The following BICD1 variants were observed in gnomAD, a reference collection of about 807,000 sequenced individuals.
BICD1 encodes the protein protein bicaudal D homolog 1.
In BICD1, 35 loss-of-function variants were observed where a neutral mutation model predicts 92.5. That is an observed-to-expected ratio of 0.38 (90% CI 0.29 to 0.50). The LOEUF is 0.50. Ranked by LOEUF, BICD1 falls within the 20% of genes least tolerant of loss-of-function variation. The pLI, the probability that BICD1 is intolerant of heterozygous loss-of-function variation, is 0.93. For missense variants in BICD1, 950 were observed against 1,189.8 expected, an observed-to-expected ratio of 0.80 and a Z score of 2.97; for synonymous variants, 429 against 465.1, an observed-to-expected ratio of 0.92 and a Z score of 1.00.
At chr12:32,167,064 G>C (rs774036023) in intron 1 of BICD1, among the ~76,000 whole-genome samples, 1 of 152,144 alleles carries the variant, frequency 6.6e-6, no homozygotes, top group Non-Finnish European at 1.5e-5. Context: ...ACCATAACAC[G>C]TATTGCCTTT....
intron 1 of BICD1, among the ~76,000 whole-genome samples, chr12:32,122,500 A>C (rs978485298): frequency 1.3e-5 from 2 of 151,884 alleles, no homozygotes; most frequent in African/African-American, 2.4e-5. Context: ...AAAAAAAAAA[A>C]AAACAAATAA....
chr12:32,206,643 C>T (rs1247588210), intron 1 of BICD1, among the ~76,000 whole-genome samples: 1 of 152,124 alleles, frequency 6.6e-6, no homozygotes. Flanking sequence ...CTTCCTTCAG[C>T]AAATGTATTT....
intron 1 of BICD1, among the ~76,000 whole-genome samples, chr12:32,202,300 G>A (rs945350762): frequency 2.0e-5 from 3 of 152,194 alleles, no homozygotes; most frequent in Non-Finnish European, 4.4e-5. Flanking sequence ...ACTTCAAGGG[G>A]CCCAGTAGGC....
At chr12:32,126,067 A>AT (rs201728844) in intron 1 of BICD1, among the ~76,000 whole-genome samples, 4,482 of 148,962 alleles carry the variant, frequency 0.03, 150 homozygotes, top group Admixed American at 0.088. Context: ...AAAAAAAAAA[A>AT]AAGCAGTGCA....
intron 8 of BICD1, among the ~76,000 whole-genome samples, chr12:32,348,974 A>C (rs1428437254): frequency 6.6e-6 from 1 of 152,044 alleles, no homozygotes; most frequent in East Asian, 1.9e-4. Context: ...AAGACAGAGA[A>C]TAGCCCGTAT....
At chr12:32,323,208 A>G (rs1948700154) in intron 4 of BICD1, among the ~76,000 whole-genome samples, 1 of 152,212 alleles carries the variant, frequency 6.6e-6, no homozygotes, top group South Asian at 2.1e-4. Context: ...TGTTATAACT[A>G]ATGAAATCCA....
At chr12:32,118,240 G>T (rs1258444479) in intron 1 of BICD1, among the ~76,000 whole-genome samples, 1 of 151,608 alleles carries the variant, frequency 6.6e-6, no homozygotes, top group East Asian at 1.9e-4. Context: ...CCGCCACTAC[G>T]CCTGGCCAAT....
intron 1 of BICD1, among the ~76,000 whole-genome samples, chr12:32,156,152 G>A (rs1943430939): frequency 6.6e-6 from 1 of 152,224 alleles, no homozygotes; most frequent in Admixed American, 6.5e-5. Flanking sequence ...TCAGACATTT[G>A]TAAAGAGACA....
chr12:32,110,821 A>G (rs895624634), intron 1 of BICD1, among the ~76,000 whole-genome samples: 4 of 118,758 alleles, frequency 3.4e-5, no homozygotes, highest in Non-Finnish European at 6.6e-5. Context: ...GGAACATCAC[A>G]CTCTGGGGAC....
chr12:32,366,124 G>A (rs569736976), intron 8 of BICD1, among the ~76,000 whole-genome samples: 1 of 152,256 alleles, frequency 6.6e-6, no homozygotes, highest in South Asian at 2.1e-4. Flanking sequence ...ATCACAAACA[G>A]TTTTAGTGTA....
chr12:32,111,808 C>T (rs1401233653), intron 1 of BICD1, among the ~76,000 whole-genome samples: 1 of 151,842 alleles, frequency 6.6e-6, no homozygotes, highest in Non-Finnish European at 1.5e-5. Flanking sequence ...GGGCTTTCAC[C>T]TTGTTAGCCA....
intron 1 of BICD1, among the ~76,000 whole-genome samples, chr12:32,212,493 C>T (rs573385418): frequency 7.2e-5 from 11 of 152,218 alleles, no homozygotes; most frequent in African/African-American, 1.7e-4. Context: ...GGCATGATCT[C>T]GGCTCACTGC....
intron 1 of BICD1, among the ~76,000 whole-genome samples, chr12:32,166,787 T>G (rs1165229270): frequency 3.3e-5 from 5 of 152,164 alleles, no homozygotes; most frequent in Non-Finnish European, 5.9e-5. Context: ...TTGGAATCCT[T>G]GACCGAAGGC....
chr12:32,262,877 C>T (rs1946892286), intron 2 of BICD1, among the ~76,000 whole-genome samples: 1 of 152,192 alleles, frequency 6.6e-6, no homozygotes, highest in Admixed American at 6.5e-5. Flanking sequence ...TGAGTGGTGG[C>T]TCACGCCTGT....
At chr12:32,184,939 T>A (rs1220427900) in intron 1 of BICD1, among the ~76,000 whole-genome samples, 1 of 152,228 alleles carries the variant, frequency 6.6e-6, no homozygotes, top group Non-Finnish European at 1.5e-5. Flanking sequence ...GTTTTATAAA[T>A]CAGTTGGTAG....
intron 1 of BICD1, among the ~76,000 whole-genome samples, chr12:32,137,479 A>T (rs1942773120): frequency 6.6e-6 from 1 of 152,212 alleles, no homozygotes; most frequent in South Asian, 2.1e-4. Flanking sequence ...TATTACTCAG[A>T]TATATAACTT....
intron 1 of BICD1, among the ~76,000 whole-genome samples, chr12:32,177,742 T>TATATAAATATATTTATATATTTATAA (rs1565567253): frequency 7.2e-4 from 4 of 5,582 alleles, no homozygotes; most frequent in South Asian, 6.9e-3. Context: ...TATATTTATA[T>TATATAAATATATTTATATATTTATAA]AAAATATATA....
intron 1 of BICD1, among the ~76,000 whole-genome samples, chr12:32,200,497 C>T (rs1592463756): frequency 6.6e-6 from 1 of 152,260 alleles, no homozygotes; most frequent in East Asian, 1.9e-4. Context: ...ACAAGCTCAT[C>T]GTTTCTGGTG....
chr12:32,309,711 G>T (rs1948324555), intron 4 of BICD1, among the ~76,000 whole-genome samples: 1 of 152,162 alleles, frequency 6.6e-6, no homozygotes, highest in African/African-American at 2.4e-5. Flanking sequence ...CTGTTGGGCG[G>T]CTGTCAGTTT....
Sources: gnomAD v4.1 joint callset for allele counts (sites outside exome capture counted in the v4.1 genomes callset) on GRCh38, gnomAD v4.1.1 for gene constraint, MANE v1.5 for transcripts, NCBI Gene and HGNC (gene_info 2026-07-23, HGNC 2026-07-21) for gene names.